The following FSTL4 variants were observed in gnomAD, a reference collection of about 807,000 sequenced individuals.
The protein encoded by FSTL4 is follistatin like 4.
Under a neutral mutation model 78.2 loss-of-function variants are expected in FSTL4, and 28 were observed. The ratio of observed to expected loss-of-function variants is 0.36; its 90% CI spans 0.27 to 0.49. FSTL4 has a LOEUF of 0.49. FSTL4 is among the 20% of genes least tolerant of loss of function. FSTL4 has a pLI of 0.98. For missense variants in FSTL4, 922 were observed against 1,084.9 expected, an observed-to-expected ratio of 0.85 and a Z score of 2.11; for synonymous variants, 422 against 440.5, an observed-to-expected ratio of 0.96 and a Z score of 0.53.
At chr5:133,319,739 T>C (rs890819) in intron 4 of FSTL4, among the ~76,000 whole-genome samples, 110,705 of 152,146 alleles carry the variant, frequency 0.73, 40,734 homozygotes, top group African/African-American at 0.8. Context: ...ACTCCATGCC[T>C]GGGCCAAGCT....
chr5:133,452,126 C>A (rs2127011422), intron 3 of FSTL4, among the ~76,000 whole-genome samples: 1 of 152,340 alleles, frequency 6.6e-6, no homozygotes, highest in Middle Eastern at 3.4e-3. Flanking sequence ...ATGGAGCCCT[C>A]CCAACTTGGC....
At chr5:133,581,009 G>C (rs1018464101) in intron 2 of FSTL4, among the ~76,000 whole-genome samples, 2 of 152,144 alleles carry the variant, frequency 1.3e-5, no homozygotes, top group Non-Finnish European at 2.9e-5. Context: ...TTGGATTGCT[G>C]TCTGAATAAA....
chr5:133,607,713 C>T (rs1761005481), intron 1 of FSTL4, among the ~76,000 whole-genome samples: 2 of 152,190 alleles, frequency 1.3e-5, no homozygotes, highest in Admixed American at 6.5e-5. Flanking sequence ...ATAGGAGGCC[C>T]TGGCCCCGAG....
the FSTL4 span, among the ~76,000 whole-genome samples, chr5:133,675,568 T>C: frequency 2.6e-5 from 4 of 152,172 alleles, no homozygotes; most frequent in Admixed American, 2.6e-4. Flanking sequence ...TCAACGTTAG[T>C]GCTGGTGCCA....
chr5:133,326,386 G>A (rs1367444180), intron 4 of FSTL4, among the ~76,000 whole-genome samples: 3 of 152,212 alleles, frequency 2.0e-5, no homozygotes, highest in Non-Finnish European at 4.4e-5. Context: ...ATGGACAGGT[G>A]TACTGGAAGT....
intron 3 of FSTL4, 54 bp from the exon 4 acceptor site, chr5:133,401,040 G>A (rs1756213175): frequency 2.5e-6 from 4 of 1,592,912 alleles, no homozygotes; most frequent in Non-Finnish European, 2.6e-6. Context: ...AGGGTCTGGG[G>A]TCGAGGGCTT....
intron 3 of FSTL4, among the ~76,000 whole-genome samples, chr5:133,564,991 A>G (rs1759996241): frequency 1.3e-5 from 2 of 152,184 alleles, no homozygotes; most frequent in African/African-American, 4.8e-5. Context: ...TAAACCTTCA[A>G]TGGAGGGGAT....
At chr5:133,558,632 T>G (rs1185959199) in intron 3 of FSTL4, among the ~76,000 whole-genome samples, 3 of 143,742 alleles carry the variant, frequency 2.1e-5, no homozygotes, top group Non-Finnish European at 3.0e-5. Context: ...AAGGTTTTTG[T>G]TTTTTTTTTT....
chr5:133,322,781 A>T (rs777219821), intron 4 of FSTL4, among the ~76,000 whole-genome samples: 3 of 152,222 alleles, frequency 2.0e-5, no homozygotes, highest in Non-Finnish European at 4.4e-5. Flanking sequence ...AAATGTCCTC[A>T]GGCTGAAGCT....
rs1379899019 is a variant in FSTL4 at position 133,411,462 on chromosome 5, C to A, written c.161-10476G>T. Among the ~76,000 whole-genome samples, 7 of 152,088 alleles carry A rather than the reference C, an allele frequency of 4.6e-5. No homozygotes were observed. The East Asian group carries it at 1.3e-3, about 29-fold the overall frequency. ...TCTTCCAAGGTTAAGAATATCAGGG[C>A]AATTTAAGGAGACAATGGTCACTAT... On this transcript the variant is annotated intron_variant, in intron 3 of 15. Transcript: ENST00000265342.
chr5:133,692,532 G>C, the FSTL4 span, among the ~76,000 whole-genome samples: 4,073 of 152,260 alleles, frequency 0.027, 182 homozygotes, highest in African/African-American at 0.093. Context: ...GTTCCTGGAG[G>C]CACAGCTTGC....
At chr5:133,594,072 G>A (rs1024487785) in intron 2 of FSTL4, among the ~76,000 whole-genome samples, 3 of 152,174 alleles carry the variant, frequency 2.0e-5, no homozygotes, top group Non-Finnish European at 4.4e-5. Context: ...GCCAGCCCAG[G>A]GCTCAGAGAC....
At chr5:133,774,377 A>T in the FSTL4 span, among the ~76,000 whole-genome samples, 4 of 152,192 alleles carry the variant, frequency 2.6e-5, no homozygotes, top group East Asian at 7.7e-4. Context: ...GGGTTGCCAC[A>T]ACTGTAGAGG....
the FSTL4 span, among the ~76,000 whole-genome samples, chr5:133,719,370 T>C: frequency 6.6e-6 from 1 of 152,072 alleles, no homozygotes; most frequent in Non-Finnish European, 1.5e-5. Flanking sequence ...TAATAATACA[T>C]TATAAAAGTC....
chr5:133,518,997 A>T (rs1758920004), intron 3 of FSTL4, among the ~76,000 whole-genome samples: 1 of 152,222 alleles, frequency 6.6e-6, no homozygotes, highest in Non-Finnish European at 1.5e-5. Flanking sequence ...GAAAGAAGAA[A>T]GACTATTATT....
chr5:133,299,468 G>T (rs558703467), intron 6 of FSTL4, among the ~76,000 whole-genome samples: 1 of 152,260 alleles, frequency 6.6e-6, no homozygotes, highest in East Asian at 1.9e-4. Context: ...ACCAGGCGGC[G>T]GCTGGCAGGT....
intron 6 of FSTL4, among the ~76,000 whole-genome samples, chr5:133,282,300 C>G (rs549914605): frequency 6.6e-6 from 1 of 152,224 alleles, no homozygotes; most frequent in East Asian, 1.9e-4. Flanking sequence ...ACCACATGCT[C>G]AGGCAGTGGT....
chr5:133,311,676 G>A (rs1387131923), intron 6 of FSTL4, among the ~76,000 whole-genome samples: 3 of 152,220 alleles, frequency 2.0e-5, no homozygotes, highest in African/African-American at 7.2e-5. Context: ...AAAGGCTGGG[G>A]TTGAGGGAGG....
chr5:133,249,520 C>T lies in FSTL4; in HGVS notation c.784G>A (p.Val262Met), dbSNP rs766929205. 1.3e-5 allele frequency: 21 copies of T among 1,613,202 alleles called. 1 individual carries two copies. Among genetic ancestry groups the T allele is most frequent in the South Asian group, 2.2e-5 (2 of 91,072 alleles). The change falls in exon 7 of 16, where the codon GTG becomes ATG. Residue 262 changes from valine to methionine, a missense_variant. By Grantham distance (21) the Val-to-Met change is conservative. Coordinates refer to ENST00000265342, the MANE Select transcript of FSTL4 (RefSeq NM_015082.2). ...CAGGTCAGCACTGTGCTCAGCCCCA[C>T]GGTCACTGTGGTCACACTGACCCTG... Reference protein sequence around the residue: ...EDRVSVTTVTVGLSTVLTCAV... With the variant: ...EDRVSVTTVTMGLSTVLTCAV...
Sources: allele counts gnomAD v4.1 joint callset (sites outside exome capture counted in the v4.1 genomes callset), GRCh38; gene constraint gnomAD v4.1.1; transcripts MANE v1.5; gene names NCBI Gene and HGNC (gene_info 2026-07-23, HGNC 2026-07-21).